The following ANKAR variants were observed in gnomAD, a reference collection of about 807,000 sequenced individuals.
ANKAR encodes ankyrin and armadillo repeat-containing protein.
In ANKAR, 136 loss-of-function variants were observed where a neutral mutation model predicts 146.2. The observed-to-expected ratio is 0.93, with a 90% CI of 0.81 to 1.07. The LOEUF (loss-of-function observed/expected upper bound fraction) is 1.07, where lower values mean the gene tolerates loss of function less well. Ranked by LOEUF, ANKAR falls within the 50% of genes least tolerant of loss-of-function variation. The pLI is 0.00. For synonymous variants in ANKAR, 500 were observed against 575.8 expected, an observed-to-expected ratio of 0.87 and a Z score of 1.88; for missense variants, 1,567 against 1,679.9, an observed-to-expected ratio of 0.93 and a Z score of 1.18.
intron 12 of ANKAR, among the ~76,000 whole-genome samples, chr2:189,724,856 TA>T (rs1400811076): frequency 1.3e-5 from 2 of 151,868 alleles, no homozygotes; most frequent in African/African-American, 4.8e-5. Context: ...TTCTACATAA[TA>T]AAAAAATTAA....
chr2:189,710,469 G>C (rs547720632), intron 9 of ANKAR, among the ~76,000 whole-genome samples: 1 of 152,250 alleles, frequency 6.6e-6, no homozygotes, highest in African/African-American at 2.4e-5. Context: ...GGAATTTGAA[G>C]TATGTGACCA....
intron 10 of ANKAR, among the ~76,000 whole-genome samples, chr2:189,719,241 C>T (rs1023400650): frequency 3.3e-5 from 5 of 152,076 alleles, no homozygotes; most frequent in African/African-American, 1.2e-4. Context: ...CTGACCTGTA[C>T]CATATGGTAG....
chr2:189,696,318 T>G lies in ANKAR; in HGVS notation c.1657T>G (p.Cys553Gly). The change falls in exon 7 of 23, where the codon TGC becomes GGC. Residue 553 changes from cysteine to glycine, a missense_variant. Coordinates refer to ENST00000684021, the MANE Select transcript of ANKAR (RefSeq NM_001378068.1). ...CAGAGTTTCTATTATATGTCAACTG[T>G]GCAATGCTAACTTCAAGGTCAACCA... The part of the protein sequence containing the change: ...HNRVSIICQL[C>G]NANFKVNQRR... 1 of 1,614,122 alleles carries G rather than the reference T, an allele frequency of 6.2e-7. No individual in the cohort carries two copies. Among genetic ancestry groups the G allele is most frequent in the East Asian group, 2.2e-5 (1 of 44,866 alleles).
At chr2:189,700,894 A>G (rs754826213) in intron 7 of ANKAR, among the ~76,000 whole-genome samples, 4 of 152,192 alleles carry the variant, frequency 2.6e-5, no homozygotes, top group Non-Finnish European at 5.9e-5. Flanking sequence ...ATACTACTCC[A>G]TTGTGTATCC....
chr2:189,676,202 A>G (rs1257352555), intron 1 of ANKAR, among the ~76,000 whole-genome samples: 1 of 152,214 alleles, frequency 6.6e-6, no homozygotes, highest in East Asian at 1.9e-4. Context: ...TTTCTTTTTG[A>G]CATACATCTT....
In ANKAR at chr2:189,705,032, C is replaced by A; in HGVS notation, c.1718C>A (p.Pro573His). 1 of 1,613,754 alleles carries A rather than the reference C, an allele frequency of 6.2e-7. No individual in the cohort carries two copies. The highest frequency in any genetic ancestry group is 1.1e-5 in the South Asian group (1 of 91,056). ...TGTCCATCCATTCTAGGTCCAACAC[C>A]TCTACACCTTGCTGCACAGGCTTGC... The part of the protein sequence containing the change: ...RFVTFSQGPT[P>H]LHLAAQACSL... The change falls in exon 8 of 23, where the codon CCT becomes CAT. Residue 573 changes from proline (P) to histidine (H), a missense_variant. Coordinates refer to ENST00000684021, the MANE Select transcript of ANKAR (RefSeq NM_001378068.1).
At chr2:189,754,616 C>G (rs2045798818) in intron 18 of ANKAR, 1 of 407,846 alleles carries the variant, frequency 2.5e-6, no homozygotes, top group African/African-American at 2.1e-5. Context: ...TTGACAATAA[C>G]TGCTTAATGA....
chr2:189,733,094 A>ACCAC lies in ANKAR; in HGVS notation c.3301-12_3301-9dup. The ACCAC allele has an allele frequency of 3.1e-6, 5 of 1,592,640 alleles. No homozygotes were observed. Among genetic ancestry groups the ACCAC allele is most frequent in the Non-Finnish European group, 4.3e-6 (5 of 1,171,332 alleles). The stretch of plus-strand genomic sequence containing the variant: ...CATAATTGAAAAGTAATTTCTGAAA[A>ACCAC]CCACATGTTTAGGTTGAAGTGGCAT... On this transcript the variant is annotated splice_polypyrimidine_tract_variant and intron_variant, in intron 16 of 22. Transcript: ENST00000684021.
chr2:189,700,096 C>T (rs1313663409), intron 7 of ANKAR, among the ~76,000 whole-genome samples: 2 of 151,332 alleles, frequency 1.3e-5, no homozygotes, highest in Admixed American at 6.6e-5. Flanking sequence ...AAGTTTCTAA[C>T]CTATATCATT....
At chr2:189,685,386 ATTC>A (rs1380925351) in intron 2 of ANKAR, among the ~76,000 whole-genome samples, 1 of 151,932 alleles carries the variant, frequency 6.6e-6, no homozygotes, top group Non-Finnish European at 1.5e-5. Context: ...GAAATATTGA[ATTC>A]TTCTTGATAA....
chr2:189,676,108 G>T, intron 1 of ANKAR: 1 of 185,446 alleles, frequency 5.4e-6, no homozygotes, highest in East Asian at 1.4e-4. Flanking sequence ...AACACAAACA[G>T]ACTAACACGA....
At chr2:189,685,653 C>G (rs922846261) in intron 2 of ANKAR, among the ~76,000 whole-genome samples, 1 of 152,134 alleles carries the variant, frequency 6.6e-6, no homozygotes, top group African/African-American at 2.4e-5. Context: ...GAGTGATGAG[C>G]AGGAACCCCT....
intron 21 of ANKAR, among the ~76,000 whole-genome samples, chr2:189,744,278 G>T (rs1480673063): frequency 6.6e-6 from 1 of 152,094 alleles, no homozygotes; most frequent in Non-Finnish European, 1.5e-5. Context: ...TAAAATGGGT[G>T]ACCTAATTTT....
intron 2 of ANKAR, among the ~76,000 whole-genome samples, chr2:189,684,652 C>T (rs969642080): frequency 1.3e-5 from 2 of 151,690 alleles, no homozygotes; most frequent in South Asian, 2.1e-4. Flanking sequence ...CTCAGGAGTT[C>T]GAGACCAGGC....
At chr2:189,720,500 C>A in intron 11 of ANKAR, 119 bp from the exon 12 acceptor site, 1 of 518,262 alleles carries the variant, frequency 1.9e-6, no homozygotes, top group Non-Finnish European at 2.9e-6. Context: ...CCTGCCTCGG[C>A]CTCCCAAAGT....
rs537826685 is a variant in ANKAR at position 189,760,814 on chromosome 2, C to A, written c.*585-284C>A. ...CACCAAAAAAAAAGAAAAAAAAAATCTGGATTTCCATTTTCCCTTGAAAAT... is the reference window on the plus strand; with the variant it reads ...CACCAAAAAAAAAGAAAAAAAAAATATGGATTTCCATTTTCCCTTGAAAAT... On this transcript the variant is annotated intron_variant and NMD_transcript_variant, in intron 18 of 18. Coordinates refer to the ANKAR transcript ENST00000441800. 2.6e-5 allele frequency among the ~76,000 whole-genome samples: 4 copies of A among 151,960 alleles called. No individual in the cohort carries two copies. The East Asian group carries it at 7.8e-4, about 30-fold the overall frequency.
Position 189,677,083 on chromosome 2 carries a change from G to T in ANKAR, c.593G>T (p.Ser198Ile). ...QTNKDIFSEFSSAGLTDITKD... is the reference protein window; with the variant it reads ...QTNKDIFSEFISAGLTDITKD... ...AATAAAGACATTTTTTCAGAGTTTA[G>T]TTCAGCAGGTAAGAGAATTTAACAC... is the stretch of plus-strand genomic sequence containing the variant. The change falls in exon 2 of 23, where the codon AGT becomes ATT. Residue 198 changes from serine to isoleucine, a missense_variant. Coordinates refer to ENST00000684021, the MANE Select transcript of ANKAR (RefSeq NM_001378068.1). 1 of 1,536,160 alleles carries T rather than the reference G, an allele frequency of 6.5e-7. No homozygotes were observed. Among genetic ancestry groups the T allele is most frequent in the Non-Finnish European group, 8.7e-7 (1 of 1,149,484 alleles).
intron 10 of ANKAR, among the ~76,000 whole-genome samples, chr2:189,711,957 C>T (rs879317470): frequency 6.6e-6 from 1 of 152,222 alleles, no homozygotes; most frequent in African/African-American, 2.4e-5. Flanking sequence ...GTGCCTGGCT[C>T]GGCAGGTCCC....
At chr2:189,758,374 T>C (rs533600252) in intron 18 of ANKAR, among the ~76,000 whole-genome samples, 8 of 150,480 alleles carry the variant, frequency 5.3e-5, no homozygotes, top group African/African-American at 1.7e-4. Flanking sequence ...AGAGCAAAAC[T>C]CCATCTCAAA....
Sources: gnomAD v4.1 joint callset for allele counts (sites outside exome capture counted in the v4.1 genomes callset) on GRCh38, gnomAD v4.1.1 for gene constraint, MANE v1.5 for transcripts, NCBI Gene and HGNC (gene_info 2026-07-23, HGNC 2026-07-21) for gene names.